MED23: variants seen among roughly 807,000 people sequenced by gnomAD.
The protein encoded by MED23 is mediator complex subunit 23, also known as mediator of RNA polymerase II transcription subunit 23.
A neutral mutation model predicts 163.9 loss-of-function variants in MED23; 105 were observed. The ratio of observed to expected loss-of-function variants is 0.64; its 90% confidence interval spans 0.55 to 0.75. The LOEUF (loss-of-function observed/expected upper bound fraction) is 0.75. MED23 is among the 30% of genes least tolerant of loss of function. The pLI is 0.00. For missense variants in MED23, 1,054 were observed against 1,649.0 expected (o/e 0.64, Z 6.25); for synonymous variants, 561 against 565.6 (o/e 0.99, Z 0.12).
intron 30 of MED23, chr6:131,574,365 C>T: frequency 2.6e-6 from 4 of 1,561,178 alleles, no homozygotes; most frequent in Non-Finnish European, 3.5e-6. Flanking sequence ...GTAAATACTA[C>T]TTTGCTTCCC....
At chr6:131,619,536 C>A (rs1776932562) in intron 8 of MED23, among the ~76,000 whole-genome samples, 1 of 151,830 alleles carries the variant, frequency 6.6e-6, no homozygotes, top group African/African-American at 2.4e-5. Flanking sequence ...CCTAGAAATT[C>A]CATGGTGCTT....
At chr6:131,579,272 G>T in intron 30 of MED23, 1 of 1,614,030 alleles carries the variant, frequency 6.2e-7, no homozygotes, top group Non-Finnish European at 8.5e-7. Context: ...CCTGGTGCTG[G>T]GCGGAGACCA....
In MED23 at chr6:131,610,372, C is replaced by CAACTT. The variant is rs1448410677; in HGVS notation, c.877-127_877-126insAAGTT. 5 of 891,418 alleles carry CAACTT rather than the reference C, an allele frequency of 5.6e-6. No individual in the cohort carries two copies. The African/African-American group carries it at 8.3e-5, about 15-fold the overall frequency. The allele number at this position is 891,418 out of a possible 1,614,324, so 55.2% of individuals were successfully genotyped here. A position where few individuals can be genotyped will look rare whatever the true frequency, so the allele number is the denominator to read the frequency against. On this transcript the variant is annotated intron_variant, in intron 10 of 28. Coordinates refer to ENST00000368068, the MANE Select transcript of MED23 (RefSeq NM_004830.4). The stretch of plus-strand genomic sequence containing the variant: ...CGGAATGAAGTTGAACTTAAGAAGT[C>CAACTT]AAGGTTAGATTTAGTCTATTAAAGC...
intron 9 of MED23, 111 bp from the exon 10 acceptor site, chr6:131,616,113 T>C (rs1776670204): frequency 2.4e-6 from 2 of 833,006 alleles, no homozygotes; most frequent in East Asian, 2.7e-5. Context: ...CTTCACAGAG[T>C]AGGCAGTATC....
At chr6:131,600,210 A>C in intron 17 of MED23, 48 bp from the exon 18 acceptor site, 2 of 1,495,450 alleles carry the variant, frequency 1.3e-6, no homozygotes, top group South Asian at 2.3e-5. Context: ...GATTATATCC[A>C]CAATTCATAA....
chr6:131,588,558 T>A (rs535177662), intron 28 of MED23, among the ~76,000 whole-genome samples: 129 of 152,352 alleles, frequency 8.5e-4, no homozygotes, highest in Non-Finnish European at 1.6e-3. Context: ...TGTTCTGTGT[T>A]GTAACAAAAG....
At chr6:131,583,931 T>C (rs1003113919), downstream of MED23, 3 of 1,611,002 alleles carry the variant, frequency 1.9e-6, no homozygotes, top group Admixed American at 1.7e-5. Context: ...CCGATATAAA[T>C]CTCATAGTTA....
intron 10 of MED23, among the ~76,000 whole-genome samples, chr6:131,610,927 A>C (rs1032840573): frequency 3.9e-5 from 6 of 152,224 alleles, no homozygotes; most frequent in Non-Finnish European, 8.8e-5. Context: ...AAAATCTAAA[A>C]CAAGAAAAAG....
At chr6:131,574,049 G>A (rs1773495759) in exon 31 of MED23, 1 of 556,104 alleles carries the variant, frequency 1.8e-6, no homozygotes, top group Non-Finnish European at 3.2e-6. Context: ...ACACATGCCA[G>A]CAACATTGAA....
rs774535167 is a variant in MED23, at chr6:131,581,303, C to T, written c.4095+6406G>A. On this transcript the variant is annotated intron_variant, in intron 30 of 30. Transcript: ENST00000354577. ...GGGTGGATGCTCACACTGATATCAA[C>T]ACTCCACTGACAACCACAAGTGGAA... is the stretch of plus-strand genomic sequence containing the variant. The T allele has an allele frequency of 6.2e-7, 1 of 1,613,938 alleles. No homozygotes were observed. Among genetic ancestry groups the T allele is most frequent in the Admixed American group, 1.7e-5 (1 of 60,020 alleles).
chr6:131,611,264 C>G (rs1009500465), intron 10 of MED23, among the ~76,000 whole-genome samples: 1 of 151,970 alleles, frequency 6.6e-6, no homozygotes, highest in African/African-American at 2.4e-5. Context: ...TGGAAATAAA[C>G]AAGACATAAT....
At position 131,586,853 on chromosome 6, in the gene MED23, TAC is replaced by T. The variant is rs1774213975; in HGVS notation, c.*824_*825del. 4 of 1,480,340 alleles carry T rather than the reference TAC, an allele frequency of 2.7e-6. No homozygotes were observed. The African/African-American group carries it at 4.2e-5, about 16-fold the overall frequency. The allele number at this position is 1,480,340 out of a possible 1,614,324, so 91.7% of individuals were successfully genotyped here. A position where few individuals can be genotyped will look rare whatever the true frequency, so the allele number is the denominator to read the frequency against. ...CTCAAAATCCAAGAAATAAAATGTG[TAC>T]TGTATTTACAAATATAAAATTTAAA... is the stretch of plus-strand genomic sequence containing the variant. On this transcript the variant is annotated 3_prime_UTR_variant, in exon 29 of 29. Coordinates refer to ENST00000368068, the MANE Select transcript of MED23 (RefSeq NM_004830.4).
Position 131,623,738 on chromosome 6 carries a change from A to G in MED23, c.285-276T>C, listed in dbSNP as rs72999275. On this transcript the variant is annotated intron_variant, in intron 4 of 28. Transcript: ENST00000368068. Reference sequence around the variant, plus strand: ...TCATTCTCTCTCCCACCACCCTGTGATGAGGTGCCTTTTGCCATTATTCTA... The same window carrying G: ...TCATTCTCTCTCCCACCACCCTGTGGTGAGGTGCCTTTTGCCATTATTCTA... Among the ~76,000 whole-genome samples the G allele has an allele frequency of 9.6e-3, 1,465 of 152,240 alleles. 12 individuals are homozygous for G. The highest frequency in any genetic ancestry group is 0.015 in the Non-Finnish European group (1,015 of 68,008).
chr6:131,627,763 T>C (rs1381958912), intron 1 of MED23, 91 bp from the exon 2 acceptor site: 2 of 1,228,718 alleles, frequency 1.6e-6, no homozygotes, highest in Non-Finnish European at 2.4e-6. Flanking sequence ...ACAGGGCAAG[T>C]CACCTTAATC....
intron 3 of MED23, among the ~76,000 whole-genome samples, chr6:131,625,844 C>T (rs957108527): frequency 1.3e-5 from 2 of 151,872 alleles, no homozygotes; most frequent in Admixed American, 6.6e-5. Flanking sequence ...TACTCTCAGC[C>T]GGGCGCGGTG....
At position 131,591,465 on chromosome 6, in the gene MED23, C is replaced by G; in HGVS notation, c.3534G>C (p.Thr1178=). The G allele has an allele frequency of 1.2e-6, 2 of 1,613,914 alleles. No homozygotes were observed. Among genetic ancestry groups the G allele is most frequent in the Non-Finnish European group, 1.7e-6 (2 of 1,179,852 alleles). ...IVSVISSPSL[T]SETEWVGYPF... ...GATAGCCAACCCACTCTGTTTCAGA[C>G]GTCAAGCTGGGGCTGCTGATGACAC... Residue 1178 remains threonine, a synonymous_variant, in exon 26 of 29, where the codon ACG becomes ACC. Transcript: ENST00000368068.
chr6:131,574,042 C>T, exon 31 of MED23: 1 of 542,162 alleles, frequency 1.8e-6, no homozygotes, highest in Non-Finnish European at 3.3e-6. Context: ...TGAATCCACA[C>T]ATGCCAGCAA....
Position 131,610,074 on chromosome 6 carries a change from G to A in MED23, c.1049C>T (p.Pro350Leu). Reference sequence around the variant, plus strand: ...CTGATGAAGAGAAAGCACCATATGTGGAAAACTTGCAAACTGGAAAAGCAC... The same window carrying A: ...CTGATGAAGAGAAAGCACCATATGTAGAAAACTTGCAAACTGGAAAAGCAC... ...FFVLFQFASF[P>L]HMVLSLHQKL... Residue 350 changes from proline to leucine, a missense_variant, in exon 11 of 29, where the codon CCA becomes CTA. Physicochemically the swap from Pro to Leu is moderately conservative, Grantham distance 98. This residue lies in a region of MED23 where 61 missense variants were observed against 154.2 expected (regional missense o/e 0.40). Transcript: ENST00000368068. 6.2e-7 allele frequency: 1 copy of A among 1,613,860 alleles called. No individual in the cohort carries two copies. The highest frequency in any genetic ancestry group is 8.5e-7 in the Non-Finnish European group (1 of 1,179,876).
At position 131,590,419 on chromosome 6, in the gene MED23, GGAA is replaced by G. The variant is rs761312695; in HGVS notation, c.3707_3709del (p.Leu1236del). On this transcript the variant is annotated inframe_deletion, in exon 27 of 29. Transcript: ENST00000368068. The stretch of plus-strand genomic sequence containing the variant: ...CAACTGGAATTCGGTCTTCACTATA[GGAA>G]GAAGTACTTCAGTAAGAAACCTAAA... The G allele has an allele frequency of 1.8e-5, 29 of 1,604,752 alleles. No homozygotes were observed. Among genetic ancestry groups the G allele is most frequent in the Non-Finnish European group, 2.4e-5 (28 of 1,172,076 alleles).
Sources: gnomAD v4.1 joint callset for allele counts (sites outside exome capture counted in the v4.1 genomes callset) on GRCh38, gnomAD v4.1.1 for gene constraint, gnomAD v4.1.1 regional missense constraint, MANE v1.5 for transcripts, NCBI Gene and HGNC (gene_info 2026-07-23, HGNC 2026-07-21) for gene names.